Variants in TSPAN5 observed in about 807,000 individuals in gnomAD.
TSPAN5 encodes tetraspanin 5, also known as tetraspanin-5.
Under a neutral mutation model 37.1 loss-of-function variants are expected in TSPAN5, and 10 were observed. The observed-to-expected ratio is 0.27, with a 90% confidence interval of 0.17 to 0.46. The LOEUF is 0.46. TSPAN5 is among the 20% of genes least tolerant of loss of function. The pLI is 1.00. For missense variants in TSPAN5, 195 were observed against 326.6 expected (o/e 0.60, Z 3.11); for synonymous variants, 110 against 118.9 (o/e 0.93, Z 0.48).
chr4:98,483,638 G>T (rs1391106395), intron 3 of TSPAN5: 4 of 152,284 alleles, frequency 2.6e-5, no homozygotes, highest in Non-Finnish European at 4.4e-5. Flanking sequence ...GGGCACGGGA[G>T]GAGGAGTGGA....
rs548705432 is a variant in TSPAN5, at chr4:98,508,636, T to G, written c.82-908A>C. Among the ~76,000 whole-genome samples, 5 of 150,332 alleles carry G rather than the reference T, an allele frequency of 3.3e-5. No individual in the cohort carries two copies. The South Asian group carries it at 1.1e-3, about 32-fold the overall frequency. On this transcript the variant is annotated intron_variant, in intron 1 of 7. Transcript: ENST00000305798. ...ACTACCCAGGCTTAACCGAGCCTCCTGCCTCAGCCTTCCAAGTAGCTGGGA... is the reference window on the plus strand; with the variant it reads ...ACTACCCAGGCTTAACCGAGCCTCCGGCCTCAGCCTTCCAAGTAGCTGGGA...
In TSPAN5 at chr4:98,538,537, G is replaced by A. The variant is rs2110138372; in HGVS notation, c.82-30809C>T. ...TGACTACTGCAACCTGTGGCTCAAA[G>A]TCAGCTGAAAAATGGTTATACACAT... On this transcript the variant is annotated intron_variant, in intron 1 of 7. Transcript: ENST00000305798. 2.0e-5 allele frequency among the ~76,000 whole-genome samples: 3 copies of A among 152,316 alleles called. No individual in the cohort carries two copies. In the East Asian group the frequency reaches 5.8e-4, roughly 29 times the overall value.
At chr4:98,644,441 G>A (rs1365509955) in intron 1 of TSPAN5, among the ~76,000 whole-genome samples, 8 of 151,832 alleles carry the variant, frequency 5.3e-5, no homozygotes, top group African/African-American at 1.9e-4. Flanking sequence ...AAATATTATT[G>A]TAGTAAATTT....
At position 98,536,965 on chromosome 4, in the gene TSPAN5, C is replaced by T. The variant is rs1355970256; in HGVS notation, c.82-29237G>A. 3.3e-5 allele frequency among the ~76,000 whole-genome samples: 5 copies of T among 152,260 alleles called. No homozygotes were observed. The East Asian group carries it at 9.7e-4, about 29-fold the overall frequency. Reference sequence around the variant, plus strand: ...GGGTGGGACCCGCCGAGCCAGACCACTTGGATCCCTGGCTTCAGCACCCCT... The same window carrying T: ...GGGTGGGACCCGCCGAGCCAGACCATTTGGATCCCTGGCTTCAGCACCCCT... On this transcript the variant is annotated intron_variant, in intron 1 of 7. Transcript: ENST00000305798.
At position 98,587,794 on chromosome 4, in the gene TSPAN5, C is replaced by A. The variant is rs572653427; in HGVS notation, c.81+70352G>T. Among the ~76,000 whole-genome samples the A allele has an allele frequency of 7.9e-5, 12 of 152,198 alleles. No homozygotes were observed. The East Asian group carries it at 1.3e-3, about 17-fold the overall frequency. The stretch of plus-strand genomic sequence containing the variant: ...GTCCCAGCTTCTCAGGAGGCTGGGG[C>A]AGGGGAATCGCTTGAACTGAGGAGG... On this transcript the variant is annotated intron_variant, in intron 1 of 7. Coordinates refer to ENST00000305798, the MANE Select transcript of TSPAN5 (RefSeq NM_005723.4).
intron 1 of TSPAN5, among the ~76,000 whole-genome samples, chr4:98,550,651 CT>C (rs765639199): frequency 6.9e-6 from 1 of 143,922 alleles, no homozygotes; most frequent in Non-Finnish European, 1.5e-5. Flanking sequence ...ATGGGGTTGA[CT>C]TTTTGATTTG....
intron 2 of TSPAN5, among the ~76,000 whole-genome samples, chr4:98,487,172 G>A (rs1752984747): frequency 6.6e-6 from 1 of 150,932 alleles, no homozygotes; most frequent in Non-Finnish European, 1.5e-5. Flanking sequence ...GAGGGAAGGA[G>A]GGAGGGAAAC....
chr4:98,477,743 C>T (rs1037749758), intron 5 of TSPAN5, among the ~76,000 whole-genome samples: 1 of 151,792 alleles, frequency 6.6e-6, no homozygotes, highest in Non-Finnish European at 1.5e-5. Flanking sequence ...CTCACTGCAG[C>T]CTCAAACTCC....
At chr4:98,473,508 G>A (rs936531969) in intron 7 of TSPAN5, among the ~76,000 whole-genome samples, 11 of 148,516 alleles carry the variant, frequency 7.4e-5, no homozygotes, top group Non-Finnish European at 1.3e-4. Flanking sequence ...GCCGGACTGC[G>A]GACTGCAGTG....
intron 1 of TSPAN5, among the ~76,000 whole-genome samples, chr4:98,580,404 C>T (rs1383031329): frequency 8.5e-5 from 13 of 152,150 alleles, no homozygotes; most frequent in African/African-American, 1.9e-4. Context: ...TACTCTTATA[C>T]ACACTGTGGA....
At chr4:98,488,686 A>T (rs1753024477) in intron 2 of TSPAN5, among the ~76,000 whole-genome samples, 2 of 152,350 alleles carry the variant, frequency 1.3e-5, no homozygotes, top group South Asian at 4.1e-4. Context: ...GAAGGAAAAC[A>T]GAAATACTCA....
chr4:98,635,620 A>G (rs760107576), intron 1 of TSPAN5, among the ~76,000 whole-genome samples: 1 of 152,198 alleles, frequency 6.6e-6, no homozygotes, highest in Non-Finnish European at 1.5e-5. Context: ...ATCAAAGACC[A>G]TCAGGTGGAA....
chr4:98,591,297 C>T lies in TSPAN5; in HGVS notation c.81+66849G>A, dbSNP rs1006207786. Reference sequence around the variant, plus strand: ...AAAAACAATACCATTAATAACAGCACGCAAAAACCTGAAGTACTTAGGAAT... The same window carrying T: ...AAAAACAATACCATTAATAACAGCATGCAAAAACCTGAAGTACTTAGGAAT... On this transcript the variant is annotated intron_variant, in intron 1 of 7. Transcript: ENST00000305798. 4.2e-5 allele frequency among the ~76,000 whole-genome samples: 6 copies of T among 142,032 alleles called. No homozygotes were observed. In the East Asian group the frequency reaches 7.9e-4, roughly 19 times the overall value. The allele number at this position is 142,032 out of a possible 152,430, so 93.2% of individuals were successfully genotyped here. A position where few individuals can be genotyped will look rare whatever the true frequency, so the allele number is the denominator to read the frequency against.
intron 1 of TSPAN5, among the ~76,000 whole-genome samples, chr4:98,652,972 A>C (rs1757222840): frequency 1.3e-5 from 2 of 152,122 alleles, no homozygotes; most frequent in Admixed American, 1.3e-4. Flanking sequence ...CCACAGAGGG[A>C]GTGGCCACAC....
chr4:98,555,940 T>C lies in TSPAN5; in HGVS notation c.82-48212A>G, dbSNP rs2110161303. 1.3e-5 allele frequency among the ~76,000 whole-genome samples: 2 copies of C among 151,694 alleles called. 1 individual carries two copies. Among genetic ancestry groups the C allele is most frequent in the South Asian group, 4.2e-4 (2 of 4,794 alleles). ...TACTAATTCATTCTTTTCTCCTCCC[T>C]GCAAAAAGACTGAAAAATCACTCCA... On this transcript the variant is annotated intron_variant, in intron 1 of 7. Coordinates refer to ENST00000305798, the MANE Select transcript of TSPAN5 (RefSeq NM_005723.4).
chr4:98,619,212 A>G (rs6532753), intron 1 of TSPAN5, among the ~76,000 whole-genome samples: 79,963 of 152,074 alleles, frequency 0.53, 22,444 homozygotes, highest in African/African-American at 0.71. Context: ...TCTTTTGGGA[A>G]ATTCATTCAG....
chr4:98,573,247 C>T (rs112050592), intron 1 of TSPAN5, among the ~76,000 whole-genome samples: 1,944 of 152,300 alleles, frequency 0.013, 49 homozygotes, highest in African/African-American at 0.043. Context: ...TTCTAGGAGA[C>T]ATTGGGTAAA....
At chr4:98,476,353 C>A in intron 6 of TSPAN5, 48 bp from the exon 7 acceptor site, 1 of 1,613,202 alleles carries the variant, frequency 6.2e-7, no homozygotes, top group Non-Finnish European at 8.5e-7. Context: ...GAGCACCAGG[C>A]ACAGGCCAAA....
intron 1 of TSPAN5, among the ~76,000 whole-genome samples, chr4:98,557,166 T>C (rs1754768752): frequency 7.2e-6 from 1 of 139,544 alleles, no homozygotes; most frequent in African/African-American, 2.7e-5. Flanking sequence ...GATAATAAAA[T>C]AGTACATTTT....
Sources: allele counts gnomAD v4.1 joint callset (sites outside exome capture counted in the v4.1 genomes callset), GRCh38; gene constraint gnomAD v4.1.1; transcripts MANE v1.5; gene names NCBI Gene and HGNC (gene_info 2026-07-23, HGNC 2026-07-21).